Variants in DSCAML1 observed in about 807,000 individuals in gnomAD.
DSCAML1 encodes the protein cell adhesion molecule DSCAML1.
Under a neutral mutation model 200.5 loss-of-function variants are expected in DSCAML1, and 38 were observed. The observed-to-expected ratio is 0.19, with a 90% CI of 0.15 to 0.25. DSCAML1 has a LOEUF of 0.25. Ranked by LOEUF, DSCAML1 falls within the 10% of genes least tolerant of loss-of-function variation. The probability of loss-of-function intolerance (pLI) is 1.00; values close to 1 mark genes in which losing one functional copy is unlikely to be tolerated. For missense variants in DSCAML1, 2,223 were observed against 2,858.8 expected (o/e 0.78, Z 5.07); for synonymous variants, 1,215 against 1,165.0 (o/e 1.04, Z -0.87).
chr11:117,454,453 G>A (rs1592602483), intron 19 of DSCAML1, among the ~76,000 whole-genome samples: 1 of 152,200 alleles, frequency 6.6e-6, no homozygotes, highest in Non-Finnish European at 1.5e-5. Context: ...CCCATCAACT[G>A]AGTTCTTAAT....
intron 3 of DSCAML1, among the ~76,000 whole-genome samples, chr11:117,551,314 G>A (rs2050462822): frequency 6.6e-6 from 1 of 152,220 alleles, no homozygotes; most frequent in Non-Finnish European, 1.5e-5. Context: ...GGCACCTGCT[G>A]TGTGTCAGGT....
At position 117,428,861 on chromosome 11, in the gene DSCAML1, G is replaced by C. The variant is rs149144817; in HGVS notation, c.5687-58C>G. 7.1e-4 allele frequency: 1,057 copies of C among 1,479,404 alleles called. 7 individuals are homozygous for C. In the African/African-American group the frequency reaches 0.013, roughly 18 times the overall value. 91.6% of individuals were successfully genotyped at this position (1,479,404 alleles called of 1,614,324 possible). Reference sequence around the variant, plus strand: ...AGTCATAGCCCTCTGGAAGCAGCTCGTTCAGCCCCCACCCCATCCCCTGCC... The same window carrying C: ...AGTCATAGCCCTCTGGAAGCAGCTCCTTCAGCCCCCACCCCATCCCCTGCC... On this transcript the variant is annotated intron_variant, in intron 32 of 32. Transcript: ENST00000651296.
chr11:117,729,390 G>A (rs1286457612), intron 3 of DSCAML1, among the ~76,000 whole-genome samples: 2 of 151,970 alleles, frequency 1.3e-5, no homozygotes, highest in Non-Finnish European at 2.9e-5. Flanking sequence ...TGATACCAAA[G>A]CACAAGCAAC....
At chr11:117,622,987 C>T (rs951795370) in intron 3 of DSCAML1, among the ~76,000 whole-genome samples, 4 of 152,130 alleles carry the variant, frequency 2.6e-5, no homozygotes, top group African/African-American at 9.7e-5. Context: ...GAGTGCTGAC[C>T]TTACACTAGG....
intron 3 of DSCAML1, among the ~76,000 whole-genome samples, chr11:117,610,280 C>T (rs745906775): frequency 9.2e-5 from 14 of 152,294 alleles, no homozygotes; most frequent in East Asian, 5.8e-4. Context: ...CCCCCTTTTG[C>T]GGCTACAACT....
chr11:117,521,795 C>T (rs1462457646), intron 5 of DSCAML1, among the ~76,000 whole-genome samples: 1 of 152,152 alleles, frequency 6.6e-6, no homozygotes, highest in East Asian at 1.9e-4. Context: ...CAGGCTGTCT[C>T]CCATACTTGC....
intron 3 of DSCAML1, among the ~76,000 whole-genome samples, chr11:117,639,132 A>G (rs1455168705): frequency 1.3e-5 from 2 of 152,186 alleles, no homozygotes; most frequent in Non-Finnish European, 2.9e-5. Context: ...TGTTTGCATA[A>G]TGATAAGACT....
At chr11:117,766,071 C>G (rs368562884) in intron 3 of DSCAML1, among the ~76,000 whole-genome samples, 9 of 152,336 alleles carry the variant, frequency 5.9e-5, no homozygotes, top group African/African-American at 2.2e-4. Context: ...TTCCTCTAGG[C>G]ATTCGACAAA....
At position 117,516,685 on chromosome 11, in the gene DSCAML1, G is replaced by T. The variant is rs1476035287; in HGVS notation, c.1565C>A (p.Thr522Asn). 6.2e-7 allele frequency: 1 copy of T among 1,613,996 alleles called. No individual in the cohort carries two copies. The highest frequency in any genetic ancestry group is 8.5e-7 in the Non-Finnish European group (1 of 1,180,028). The change falls in exon 8 of 33, where the codon ACC becomes AAC. Residue 522 changes from threonine to asparagine, a missense_variant. Physicochemically the swap from Thr to Asn is moderately conservative, Grantham distance 65. This residue lies in a region of DSCAML1 where 212 missense variants were observed against 368.0 expected (regional missense o/e 0.58). Coordinates refer to ENST00000651296, the MANE Select transcript of DSCAML1 (RefSeq NM_020693.4). This position sits in a 1 kb window ranked among gnomAD's most constrained non-coding sequence, Gnocchi z 5.7. ...RNITAVAGRD[T>N]LINCRVIGYP... is the part of the protein sequence containing the mutation. ...GCCGATGACCCTGCAGTTGATAAGG[G>T]TGTCCCGCCCGGCGACTGCTGTGAT...
In DSCAML1 at chr11:117,809,947, A is replaced by C. The variant is rs552893879; in HGVS notation, c.-250+7443T>G. Among the ~76,000 whole-genome samples, 3 of 130,782 alleles carry C rather than the reference A, an allele frequency of 2.3e-5. No homozygotes were observed. The East Asian group carries it at 6.2e-4, about 27-fold the overall frequency. 85.8% of individuals were successfully genotyped at this position (130,782 alleles called of 152,430 possible). A position where few individuals can be genotyped will look rare whatever the true frequency, so the allele number is the denominator to read the frequency against. ...TTCACACACACGCATATTCACATAC[A>C]CACATTCACACACTCACACATTCAC... On this transcript the variant is annotated intron_variant, in intron 1 of 2. Coordinates refer to the DSCAML1 transcript ENST00000525836.
chr11:117,685,009 G>A (rs1204048785), intron 3 of DSCAML1, among the ~76,000 whole-genome samples: 1 of 152,238 alleles, frequency 6.6e-6, no homozygotes, highest in African/African-American at 2.4e-5. Flanking sequence ...CTCCTGTTGA[G>A]GCCCCTGTCC....
At chr11:117,551,108 C>T (rs943656401) in intron 3 of DSCAML1, among the ~76,000 whole-genome samples, 5 of 152,178 alleles carry the variant, frequency 3.3e-5, no homozygotes, top group Admixed American at 2.0e-4. Flanking sequence ...CTCTAATTAA[C>T]ATTTTGGGTT....
At position 117,521,326 on chromosome 11, in the gene DSCAML1, C is replaced by T. The variant is rs1281255417; in HGVS notation, c.1017G>A (p.Thr339=). The part of the protein sequence containing the change: ...GSTVILSCAL[T]GSPEFTIRWY... Reference sequence around the variant, plus strand: ...AGCGGATGGTGAACTCTGGGGAGCCCGTCAGGGCACAGGAGAGGATGACCG... The same window carrying T: ...AGCGGATGGTGAACTCTGGGGAGCCTGTCAGGGCACAGGAGAGGATGACCG... Residue 339 remains threonine, a synonymous_variant, in exon 6 of 33, where the codon ACG becomes ACA. Transcript: ENST00000651296. 1.2e-6 allele frequency: 2 copies of T among 1,614,148 alleles called. No homozygotes were observed. The highest frequency in any genetic ancestry group is 1.7e-6 in the Non-Finnish European group (2 of 1,180,034).
chr11:117,520,720 G>GAAAAC (rs1039499411), intron 6 of DSCAML1, among the ~76,000 whole-genome samples: 47 of 151,510 alleles, frequency 3.1e-4, no homozygotes, highest in African/African-American at 1.1e-3. Flanking sequence ...CTCTGTCTCT[G>GAAAAC]AAAACAAAAC....
At chr11:117,438,208 G>A in intron 24 of DSCAML1, 125 bp from the exon 25 acceptor site, 1 of 950,060 alleles carries the variant, frequency 1.1e-6, no homozygotes, top group Non-Finnish European at 1.5e-6. Context: ...TTGGTCATTG[G>A]AACGGGCATA....
chr11:117,761,958 C>A (rs1238784269), intron 3 of DSCAML1, among the ~76,000 whole-genome samples: 4 of 152,216 alleles, frequency 2.6e-5, no homozygotes, highest in African/African-American at 9.7e-5. Flanking sequence ...TCAGTTATAT[C>A]AAGCTATTCA....
chr11:117,736,685 C>G (rs1254755903), intron 3 of DSCAML1, among the ~76,000 whole-genome samples: 1 of 152,216 alleles, frequency 6.6e-6, no homozygotes, highest in Non-Finnish European at 1.5e-5. Context: ...CCCTGATCCC[C>G]TTTCCCTGAC....
chr11:117,774,510 G>A (rs895983486), intron 3 of DSCAML1, among the ~76,000 whole-genome samples: 1 of 152,176 alleles, frequency 6.6e-6, no homozygotes, highest in Non-Finnish European at 1.5e-5. Context: ...GGAAATGGAG[G>A]GGGTAAATGA....
intron 20 of DSCAML1, among the ~76,000 whole-genome samples, chr11:117,445,117 C>T (rs1320279804): frequency 6.6e-6 from 1 of 152,356 alleles, no homozygotes; most frequent in African/African-American, 2.4e-5. Context: ...GACCTCCAGG[C>T]ATGTATGGGC....
Sources: allele counts gnomAD v4.1 joint callset (sites outside exome capture counted in the v4.1 genomes callset), GRCh38; gene constraint gnomAD v4.1.1; regional missense constraint gnomAD v4.1.1; non-coding constraint Gnocchi (gnomAD v3.1); transcripts MANE v1.5; gene names NCBI Gene and HGNC (gene_info 2026-07-23, HGNC 2026-07-21).